FBXO8: variants seen among roughly 807,000 people sequenced by gnomAD.
FBXO8 encodes F-box protein 8, also known as F-box only protein 8.
FBXO8 carries 15 observed loss-of-function variants against 33.4 expected under a neutral mutation model. The observed-to-expected ratio is 0.45, with a 90% confidence interval of 0.30 to 0.69. FBXO8 has a LOEUF of 0.69. Ranked by LOEUF, FBXO8 falls within the 30% of genes least tolerant of loss-of-function variation. The pLI is 0.08. For missense variants in FBXO8, 274 were observed against 380.3 expected (o/e 0.72, Z 2.32); for synonymous variants, 132 against 131.5 (o/e 1.00, Z -0.02).
chr4:174,249,283 C>T (rs1184907302), intron 3 of FBXO8, among the ~76,000 whole-genome samples: 1 of 151,896 alleles, frequency 6.6e-6, no homozygotes, highest in Non-Finnish European at 1.5e-5. Flanking sequence ...CTTGGAAAAG[C>T]CCCCTCTATC....
At position 174,241,253 on chromosome 4, in the gene FBXO8, T is replaced by C. The variant is rs751068500; in HGVS notation, c.457-35A>G. On this transcript the variant is annotated intron_variant, in intron 3 of 5. Transcript: ENST00000393674. This position sits in a 1 kb window ranked among gnomAD's most constrained non-coding sequence, Gnocchi z 4.2. ...AAAGACAAGTCTACATAAATAAAAT[T>C]GCTCTTTATTTATGCATTTTAACAA... 3.1e-6 allele frequency: 4 copies of C among 1,289,280 alleles called. No individual in the cohort carries two copies. The highest frequency in any genetic ancestry group is 4.4e-6 in the Non-Finnish European group (4 of 906,296). The allele number at this position is 1,289,280 out of a possible 1,614,324, so 79.9% of individuals were successfully genotyped here.
In FBXO8 at chr4:174,272,512, T is replaced by C. The variant is rs978003945; in HGVS notation, c.-8-9412A>G. Among the ~76,000 whole-genome samples, 2 of 152,226 alleles carry C rather than the reference T, an allele frequency of 1.3e-5. No homozygotes were observed. Among genetic ancestry groups the C allele is most frequent in the Non-Finnish European group, 2.9e-5 (2 of 68,030 alleles). On this transcript the variant is annotated intron_variant, in intron 1 of 5. Transcript: ENST00000393674. The surrounding 1 kb of genome is among the most constrained non-coding windows in gnomAD (Gnocchi z 4.7). The stretch of plus-strand genomic sequence containing the variant: ...AGATCCACAAATACTGAGGACCAAC[T>C]GTATAATCCATTACATAAAAAAAGA...
In FBXO8 at chr4:174,281,009, G is replaced by A. The variant is rs1737074425; in HGVS notation, c.-9+2401C>T. On this transcript the variant is annotated intron_variant, in intron 1 of 5. Transcript: ENST00000393674. This position sits in a 1 kb window ranked among gnomAD's most constrained non-coding sequence, Gnocchi z 4.6. Reference sequence around the variant, plus strand: ...TACCATTGAACTGTACACTTAGAATGGTTAAGATGGTAAATTTTATGTTAC... The same window carrying A: ...TACCATTGAACTGTACACTTAGAATAGTTAAGATGGTAAATTTTATGTTAC... Among the ~76,000 whole-genome samples, 1 of 152,044 alleles carries A rather than the reference G, an allele frequency of 6.6e-6. No homozygotes were observed. Among genetic ancestry groups the A allele is most frequent in the Non-Finnish European group, 1.5e-5 (1 of 68,018 alleles).
At chr4:174,276,328 C>A (rs1290643993) in intron 1 of FBXO8, among the ~76,000 whole-genome samples, 1 of 152,062 alleles carries the variant, frequency 6.6e-6, no homozygotes, top group Admixed American at 6.6e-5. Context: ...ACCTCTGCCT[C>A]CTGGGTTCAA....
rs1736814446 is a variant in FBXO8 at position 174,270,539 on chromosome 4, C to T, written c.-8-7439G>A. The stretch of plus-strand genomic sequence containing the variant: ...TATGGTGTTTTTCTTTCTACAAAAG[C>T]TCTTTTGGTATTACATAGCTTAAAT... On this transcript the variant is annotated intron_variant, in intron 1 of 5. Coordinates refer to ENST00000393674, the MANE Select transcript of FBXO8 (RefSeq NM_012180.3). This position sits in a 1 kb window ranked among gnomAD's most constrained non-coding sequence, Gnocchi z 4.6. Among the ~76,000 whole-genome samples, 1 of 151,924 alleles carries T rather than the reference C, an allele frequency of 6.6e-6. No homozygotes were observed. Among genetic ancestry groups the T allele is most frequent in the South Asian group, 2.1e-4 (1 of 4,816 alleles).
At chr4:174,240,918 T>A (rs965832743) in intron 4 of FBXO8, among the ~76,000 whole-genome samples, 182 bp downstream of exon 4, 2 of 151,626 alleles carry the variant, frequency 1.3e-5, no homozygotes, top group Non-Finnish European at 3.0e-5. Flanking sequence ...AATGGTAACT[T>A]CCTCATCAAC....
intron 3 of FBXO8, among the ~76,000 whole-genome samples, chr4:174,249,351 T>A (rs902596998): frequency 5.9e-5 from 9 of 152,106 alleles, no homozygotes; most frequent in African/African-American, 2.2e-4. Flanking sequence ...TGGAGATAAA[T>A]CTCTATTAGG....
In FBXO8 at chr4:174,254,093, G is replaced by A. The variant is rs538421960; in HGVS notation, c.456+5606C>T. On this transcript the variant is annotated intron_variant, in intron 3 of 5. Transcript: ENST00000393674. This position sits in a 1 kb window ranked among gnomAD's most constrained non-coding sequence, Gnocchi z 4.2. ...AAAACATCTTAGCTGATACATACAG[G>A]GAGAAGTGGGTACTGCAAGAAGCCA... Among the ~76,000 whole-genome samples, 2 of 152,152 alleles carry A rather than the reference G, an allele frequency of 1.3e-5. No individual in the cohort carries two copies. Among genetic ancestry groups the A allele is most frequent in the Non-Finnish European group, 2.9e-5 (2 of 68,024 alleles).
chr4:174,268,584 T>C (rs551279124), intron 1 of FBXO8, among the ~76,000 whole-genome samples: 43 of 144,606 alleles, frequency 3.0e-4, no homozygotes, highest in African/African-American at 7.6e-4. Flanking sequence ...TACAGGCGCC[T>C]GCTACCACGC....
intron 1 of FBXO8, among the ~76,000 whole-genome samples, chr4:174,264,595 C>T (rs1736644974): frequency 6.6e-6 from 1 of 151,946 alleles, no homozygotes; most frequent in Non-Finnish European, 1.5e-5. Flanking sequence ...CCTTATATTG[C>T]ACTGCTTGGA....
chr4:174,262,793 G>C lies in FBXO8; in HGVS notation c.300C>G (p.Asp100Glu). 6.2e-7 allele frequency: 1 copy of C among 1,613,860 alleles called. No homozygotes were observed. Among genetic ancestry groups the C allele is most frequent in the African/African-American group, 1.3e-5 (1 of 75,016 alleles). ...GCCAGAGAAGTTCATCATTCGCAAG[G>C]TCCTGCCAAACACATGAAGCCAAGC... ...DLCLASCVWQDLANDELLWQG... is the reference protein window; with the variant it reads ...DLCLASCVWQELANDELLWQG... Residue 100 changes from aspartate (D) to glutamate (E), a missense_variant, in exon 2 of 6, where the codon GAC becomes GAG. By Grantham distance (45) the Asp-to-Glu change is conservative. This residue lies in a region of FBXO8 where 186 missense variants were observed against 293.4 expected (regional missense o/e 0.63). Coordinates refer to ENST00000393674, the MANE Select transcript of FBXO8 (RefSeq NM_012180.3). This position sits in a 1 kb window ranked among gnomAD's most constrained non-coding sequence, Gnocchi z 4.6.
At chr4:174,238,636 GTATGTC>G (rs1735945194) in intron 5 of FBXO8, among the ~76,000 whole-genome samples, 1 of 149,828 alleles carries the variant, frequency 6.7e-6, no homozygotes, top group African/African-American at 2.4e-5. Flanking sequence ...CAGTCTATGT[GTATGTC>G]TATATGTGTA....
At position 174,281,368 on chromosome 4, in the gene FBXO8, A is replaced by C. The variant is rs916667831; in HGVS notation, c.-9+2042T>G. The stretch of plus-strand genomic sequence containing the variant: ...TTAAACTCCCTAAAGCTGTTGCCTA[A>C]ACTCCAAACCACAAATATTTTTATC... On this transcript the variant is annotated intron_variant, in intron 1 of 5. Coordinates refer to ENST00000393674, the MANE Select transcript of FBXO8 (RefSeq NM_012180.3). The surrounding 1 kb of genome is among the most constrained non-coding windows in gnomAD (Gnocchi z 4.6). Among the ~76,000 whole-genome samples the C allele has an allele frequency of 6.6e-5, 10 of 152,166 alleles. No individual in the cohort carries two copies. The highest frequency in any genetic ancestry group is 2.4e-4 in the African/African-American group (10 of 41,428).
At position 174,276,426 on chromosome 4, in the gene FBXO8, C is replaced by T. The variant is rs577964557; in HGVS notation, c.-9+6984G>A. Among the ~76,000 whole-genome samples, 15 of 152,198 alleles carry T rather than the reference C, an allele frequency of 9.9e-5. No individual in the cohort carries two copies. In the South Asian group the frequency reaches 2.7e-3, roughly 27 times the overall value. On this transcript the variant is annotated intron_variant, in intron 1 of 5. Transcript: ENST00000393674. ...CTAATTTTTGTATTTTTAGTAGAGA[C>T]GGAGTTTCACTATATTGGCCAGGCT... is the stretch of plus-strand genomic sequence containing the variant.
intron 1 of FBXO8, among the ~76,000 whole-genome samples, chr4:174,282,340 C>T (rs1397072296): frequency 6.6e-6 from 1 of 151,962 alleles, no homozygotes; most frequent in Non-Finnish European, 1.5e-5. Flanking sequence ...TACGCTGCAC[C>T]CTAATTCCTG....
intron 3 of FBXO8, among the ~76,000 whole-genome samples, chr4:174,242,588 C>T (rs1006986957): frequency 1.3e-5 from 2 of 151,524 alleles, no homozygotes; most frequent in African/African-American, 2.4e-5. Context: ...AACGTGATAA[C>T]GTGAAACTTT....
At chr4:174,246,541 A>G (rs560448947) in intron 3 of FBXO8, among the ~76,000 whole-genome samples, 1 of 152,070 alleles carries the variant, frequency 6.6e-6, no homozygotes, top group South Asian at 2.1e-4. Flanking sequence ...TGAAAAATAT[A>G]TTAGTACAAA....
rs1414045836 is a variant in FBXO8 at position 174,251,718 on chromosome 4, T to C, written c.456+7981A>G. Among the ~76,000 whole-genome samples the C allele has an allele frequency of 6.6e-6, 1 of 152,156 alleles. No individual in the cohort carries two copies. Among genetic ancestry groups the C allele is most frequent in the East Asian group, 1.9e-4 (1 of 5,186 alleles). ...CTAGTCGCTTGAAGGTATTAAGTTGTCTAGGCAGAGGAAGAGGCTATTTAG... is the reference window on the plus strand; with the variant it reads ...CTAGTCGCTTGAAGGTATTAAGTTGCCTAGGCAGAGGAAGAGGCTATTTAG... On this transcript the variant is annotated intron_variant, in intron 3 of 5. Coordinates refer to ENST00000393674, the MANE Select transcript of FBXO8 (RefSeq NM_012180.3). This position sits in a 1 kb window ranked among gnomAD's most constrained non-coding sequence, Gnocchi z 4.2.
intron 1 of FBXO8, among the ~76,000 whole-genome samples, chr4:174,266,808 T>A (rs1265721910): frequency 6.6e-6 from 1 of 152,206 alleles, no homozygotes; most frequent in African/African-American, 2.4e-5. Context: ...AAAAAGCTAT[T>A]GTGTTAAGTA....
Sources: gnomAD v4.1 joint callset for allele counts (sites outside exome capture counted in the v4.1 genomes callset) on GRCh38, gnomAD v4.1.1 for gene constraint, gnomAD v4.1.1 regional missense constraint, Gnocchi (gnomAD v3.1) non-coding constraint, MANE v1.5 for transcripts, NCBI Gene and HGNC (gene_info 2026-07-23, HGNC 2026-07-21) for gene names.